The following PAPPA2 variants were observed in gnomAD, a reference collection of about 807,000 sequenced individuals.
PAPPA2 encodes pappalysin 2.
PAPPA2 carries 86 observed loss-of-function variants against 176.4 expected under a neutral mutation model. That is an observed-to-expected ratio of 0.49 (90% CI 0.41 to 0.58). The LOEUF is 0.58. Ranked by LOEUF, PAPPA2 falls within the 20% of genes least tolerant of loss-of-function variation. The pLI, the probability that PAPPA2 is intolerant of heterozygous loss-of-function variation, is 0.00. For synonymous variants in PAPPA2, 809 were observed against 852.2 expected, an observed-to-expected ratio of 0.95 and a Z score of 0.88; for missense variants, 2,073 against 2,256.9, an observed-to-expected ratio of 0.92 and a Z score of 1.65.
chr1:176,703,162 A>G (rs1660737566), intron 9 of PAPPA2, among the ~76,000 whole-genome samples: 1 of 152,164 alleles, frequency 6.6e-6, no homozygotes, highest in Non-Finnish European at 1.5e-5. Context: ...TATTCTGCTA[A>G]CGAGGTGTGT....
intron 1 of PAPPA2, among the ~76,000 whole-genome samples, chr1:176,517,732 C>A (rs562953252): frequency 2.6e-5 from 4 of 152,268 alleles, no homozygotes; most frequent in African/African-American, 9.6e-5. Flanking sequence ...GAATCACTCA[C>A]CACCGGAAAC....
At chr1:176,639,101 CCTT>C (rs918056295) in intron 3 of PAPPA2, among the ~76,000 whole-genome samples, 1 of 151,952 alleles carries the variant, frequency 6.6e-6, no homozygotes, top group Non-Finnish European at 1.5e-5. Context: ...ACCCATCCAT[CCTT>C]CTTTTTAGCT....
chr1:176,563,647 T>C (rs938726915), intron 2 of PAPPA2, among the ~76,000 whole-genome samples: 2 of 152,198 alleles, frequency 1.3e-5, no homozygotes, highest in Admixed American at 6.5e-5. Flanking sequence ...ACTCATACTT[T>C]AGAGCATTTC....
At chr1:176,525,289 A>T (rs1649440091) in intron 1 of PAPPA2, among the ~76,000 whole-genome samples, 1 of 152,182 alleles carries the variant, frequency 6.6e-6, no homozygotes, top group African/African-American at 2.4e-5. Flanking sequence ...CCAGTTCCAT[A>T]TCTTCATTTC....
In PAPPA2 at chr1:176,599,320, T is replaced by C. The variant is rs115777842; in HGVS notation, c.1991+3725T>C. ...GGGATTGCCTTTTATTGTTCTTTTG[T>C]TGAACACTGTTCAATTTGGACACTT... is the stretch of plus-strand genomic sequence containing the variant. On this transcript the variant is annotated intron_variant, in intron 3 of 22. Transcript: ENST00000367662. Among the ~76,000 whole-genome samples the C allele has an allele frequency of 1.1e-3, 170 of 152,246 alleles. 1 individual carries two copies. Among genetic ancestry groups the C allele is most frequent in the Non-Finnish European group, 1.4e-3 (94 of 67,996 alleles).
intron 17 of PAPPA2, among the ~76,000 whole-genome samples, chr1:176,788,630 A>G (rs565849026): frequency 6.6e-6 from 1 of 152,312 alleles, no homozygotes; most frequent in East Asian, 1.9e-4. Context: ...AATGGAATGG[A>G]ATCCTCAGTA....
At chr1:176,531,179 G>A (rs189458593) in intron 1 of PAPPA2, among the ~76,000 whole-genome samples, 5 of 152,302 alleles carry the variant, frequency 3.3e-5, no homozygotes, top group African/African-American at 1.2e-4. Context: ...TCTAGCAGCA[G>A]GCAGGCAAGC....
chr1:176,538,941 A>G (rs1476811748), intron 1 of PAPPA2, among the ~76,000 whole-genome samples: 1 of 152,146 alleles, frequency 6.6e-6, no homozygotes, highest in Admixed American at 6.5e-5. Flanking sequence ...ACCTTTAAGG[A>G]TTATCCCTCA....
chr1:176,488,414 G>A (rs528983574), intron 1 of PAPPA2, among the ~76,000 whole-genome samples: 9 of 152,160 alleles, frequency 5.9e-5, no homozygotes, highest in East Asian at 1.9e-4. Flanking sequence ...GTTATAGTAT[G>A]GGAGCCTCTG....
At chr1:176,682,040 A>G (rs374712969) in intron 4 of PAPPA2, among the ~76,000 whole-genome samples, 2 of 152,202 alleles carry the variant, frequency 1.3e-5, no homozygotes, top group Non-Finnish European at 2.9e-5. Flanking sequence ...GAACTTTCAC[A>G]GGGGGTCTTC....
chr1:176,731,015 A>G (rs1309482249), intron 12 of PAPPA2, among the ~76,000 whole-genome samples: 1 of 152,020 alleles, frequency 6.6e-6, no homozygotes, highest in African/African-American at 2.4e-5. Flanking sequence ...TTATTCAGGA[A>G]TTAAGGGCCA....
In PAPPA2 at chr1:176,662,096, A is replaced by G. The variant is rs144827024; in HGVS notation, c.1992-8874A>G. ...TCTAGCACAGTGACTTGCAGATAAT[A>G]AGGGAAACGAATTTAAGGCTAGAAG... On this transcript the variant is annotated intron_variant, in intron 3 of 22. Transcript: ENST00000367662. Among the ~76,000 whole-genome samples the G allele has an allele frequency of 1.0e-3, 158 of 152,274 alleles. 2 individuals are homozygous for G. The East Asian group carries it at 0.03, about 29-fold the overall frequency.
At chr1:176,704,124 A>C (rs1486600558) in intron 9 of PAPPA2, among the ~76,000 whole-genome samples, 1 of 148,712 alleles carries the variant, frequency 6.7e-6, no homozygotes, top group Non-Finnish European at 1.5e-5. Context: ...TGCCTGGAGG[A>C]TGTGGGGCTT....
At chr1:176,724,894 C>A (rs1365218966) in intron 12 of PAPPA2, among the ~76,000 whole-genome samples, 1 of 152,126 alleles carries the variant, frequency 6.6e-6, no homozygotes, top group Non-Finnish European at 1.5e-5. Context: ...AAATGATTAT[C>A]TTAAAATTCA....
At chr1:176,517,088 A>G (rs539689956) in intron 1 of PAPPA2, among the ~76,000 whole-genome samples, 17 of 152,334 alleles carry the variant, frequency 1.1e-4, no homozygotes, top group African/African-American at 3.4e-4. Context: ...CCATATTTAT[A>G]GAGACTCTTC....
Position 176,650,732 on chromosome 1 carries a change from T to C in PAPPA2, c.1992-20238T>C, listed in dbSNP as rs80309589. 5.4e-4 allele frequency among the ~76,000 whole-genome samples: 82 copies of C among 151,248 alleles called. 2 individuals are homozygous for C. The East Asian group carries it at 0.014, about 26-fold the overall frequency. On this transcript the variant is annotated intron_variant, in intron 3 of 22. Transcript: ENST00000367662. Reference sequence around the variant, plus strand: ...CAGTTATTAATAAATGAGGACTTGCTACTGCCATTTCTTGCTTGTTTTCTG... The same window carrying C: ...CAGTTATTAATAAATGAGGACTTGCCACTGCCATTTCTTGCTTGTTTTCTG...
In PAPPA2 at chr1:176,537,634, T is replaced by C. The variant is rs1650134358; in HGVS notation, c.-916-17773T>C. On this transcript the variant is annotated intron_variant, in intron 1 of 22. Coordinates refer to ENST00000367662, the MANE Select transcript of PAPPA2 (RefSeq NM_020318.3). ...TTCTAAAACTTATTTTCCTTCTTTG[T>C]TGAGCAGTTAAGGAGCCAAGTCTTT... 2.6e-5 allele frequency among the ~76,000 whole-genome samples: 4 copies of C among 152,138 alleles called. No homozygotes were observed. In the South Asian group the frequency reaches 8.3e-4, roughly 31 times the overall value.
At chr1:176,762,673 T>A (rs1199681995) in intron 14 of PAPPA2, among the ~76,000 whole-genome samples, 1 of 152,210 alleles carries the variant, frequency 6.6e-6, no homozygotes, top group African/African-American at 2.4e-5. Flanking sequence ...TAATGAAGCA[T>A]CTTGATCACA....
At chr1:176,766,822 C>T (rs555117592) in intron 15 of PAPPA2, among the ~76,000 whole-genome samples, 5 of 150,892 alleles carry the variant, frequency 3.3e-5, no homozygotes, top group African/African-American at 7.3e-5. Context: ...TGATGGTGCT[C>T]GAGGAAAAAA....
Sources: allele counts gnomAD v4.1 joint callset (sites outside exome capture counted in the v4.1 genomes callset), GRCh38; gene constraint gnomAD v4.1.1; transcripts MANE v1.5; gene names NCBI Gene and HGNC (gene_info 2026-07-23, HGNC 2026-07-21).